The following PDE4D variants were observed in gnomAD, a reference collection of about 807,000 sequenced individuals.
The protein encoded by PDE4D is phosphodiesterase 4D.
In PDE4D, 24 loss-of-function variants were observed where a neutral mutation model predicts 87.4. The observed-to-expected ratio is 0.27, with a 90% CI of 0.20 to 0.39. The LOEUF (loss-of-function observed/expected upper bound fraction) is 0.39. Among genes scored for constraint, PDE4D ranks in the 10% least tolerant of loss-of-function variants. PDE4D has a pLI of 1.00. For missense variants in PDE4D, 714 were observed against 1,041.0 expected, an observed-to-expected ratio of 0.69 and a Z score of 4.32; for synonymous variants, 384 against 383.2, an observed-to-expected ratio of 1.00 and a Z score of -0.02.
At chr5:59,872,599 T>C (rs999253963) in intron 1 of PDE4D, among the ~76,000 whole-genome samples, 1 of 152,198 alleles carries the variant, frequency 6.6e-6, no homozygotes. Flanking sequence ...TTGAACTTAG[T>C]TCTAGTTCTT....
intron 1 of PDE4D, among the ~76,000 whole-genome samples, chr5:60,190,873 G>T (rs1169044356): frequency 1.3e-5 from 2 of 152,258 alleles, no homozygotes; most frequent in Non-Finnish European, 2.9e-5. Context: ...ACTCCAGAGT[G>T]ATGTGTTTCA....
intron 1 of PDE4D, among the ~76,000 whole-genome samples, chr5:59,412,035 A>G (rs1582466414): frequency 6.6e-6 from 1 of 152,132 alleles, no homozygotes; most frequent in Non-Finnish European, 1.5e-5. Context: ...GGTAAGCCAG[A>G]CTCAATATCT....
intron 1 of PDE4D, among the ~76,000 whole-genome samples, chr5:59,461,890 T>C (rs935054347): frequency 6.6e-6 from 1 of 152,198 alleles, no homozygotes; most frequent in African/African-American, 2.4e-5. Context: ...CCTTACTTAT[T>C]GTCCATTTTA....
In PDE4D at chr5:58,977,253, C is replaced by G; in HGVS notation, c.1645G>C (p.Asp549His). ...GFKLLQEENC[D>H]IFQNLTKKQR... is the part of the protein sequence containing the mutation. Reference sequence around the variant, plus strand: ...TTTTTGGTCAAATTCTGGAAAATGTCACAGTTTTCTTCCTGAAGCAATTTA... The same window carrying G: ...TTTTTGGTCAAATTCTGGAAAATGTGACAGTTTTCTTCCTGAAGCAATTTA... The change falls in exon 12 of 15, where the codon GAC becomes CAC. Residue 549 changes from aspartate (D) to histidine (H), a missense_variant. Physicochemically the swap from Asp to His is moderately conservative, Grantham distance 81. Coordinates refer to ENST00000340635, the MANE Select transcript of PDE4D (RefSeq NM_001104631.2). 1.2e-6 allele frequency: 2 copies of G among 1,612,986 alleles called. No homozygotes were observed. The highest frequency in any genetic ancestry group is 1.7e-6 in the Non-Finnish European group (2 of 1,179,452).
At chr5:59,215,099 C>T (rs150245941) in intron 2 of PDE4D, among the ~76,000 whole-genome samples, 58 of 152,260 alleles carry the variant, frequency 3.8e-4, no homozygotes, top group Non-Finnish European at 7.2e-4. Flanking sequence ...AACATGCACA[C>T]TACCACAAGA....
chr5:59,985,138 G>GTT (rs1389439526), intron 3 of PDE4D, among the ~76,000 whole-genome samples: 1 of 113,272 alleles, frequency 8.8e-6, no homozygotes, highest in Non-Finnish European at 1.8e-5. Context: ...TTTGTTTTTT[G>GTT]TTTTTTGTTT....
chr5:60,483,411 T>C (rs865966242), intron 1 of PDE4D, among the ~76,000 whole-genome samples: 13 of 152,200 alleles, frequency 8.5e-5, no homozygotes, highest in Non-Finnish European at 1.8e-4. Context: ...TAGAAAATAT[T>C]TTGAGGAGAA....
At chr5:59,875,460 C>CAAAAAAAAAAA (rs3062667) in intron 1 of PDE4D, among the ~76,000 whole-genome samples, 14 of 39,694 alleles carry the variant, frequency 3.5e-4, no homozygotes, top group African/African-American at 1.1e-3. Flanking sequence ...ACCTCCGTCT[C>CAAAAAAAAAAA]AAAAAAAAAA....
At position 60,378,881 on chromosome 5, in the gene PDE4D, A is replaced by AAGAG. The variant is rs368224897; in HGVS notation, c.-90+109057_-90+109060dup. On this transcript the variant is annotated intron_variant, in intron 1 of 16. Coordinates refer to the PDE4D transcript ENST00000502484. ...AACTAAAAAGAAAAAGAAAGAAAGA[A>AAGAG]AGAGAGAGAGAGAGAGAAAGAAAGA... Among the ~76,000 whole-genome samples, 1,124 of 151,024 alleles carry AAGAG rather than the reference A, an allele frequency of 7.4e-3. 14 individuals are homozygous for AAGAG. Among genetic ancestry groups the AAGAG allele is most frequent in the African/African-American group, 0.026 (1,059 of 41,126 alleles).
intron 1 of PDE4D, among the ~76,000 whole-genome samples, chr5:59,639,353 A>G (rs779338333): frequency 6.6e-6 from 1 of 152,186 alleles, no homozygotes; most frequent in Non-Finnish European, 1.5e-5. Context: ...TTTTGGAAAG[A>G]TAATTGGTGC....
At chr5:60,307,659 A>T (rs1210534891) in intron 1 of PDE4D, among the ~76,000 whole-genome samples, 2 of 151,956 alleles carry the variant, frequency 1.3e-5, no homozygotes, top group Admixed American at 1.3e-4. Flanking sequence ...TTCTTCCCCA[A>T]CCTTTATTTA....
chr5:59,962,698 ACAAT>A (rs1759609858), intron 3 of PDE4D, among the ~76,000 whole-genome samples: 1 of 152,172 alleles, frequency 6.6e-6, no homozygotes, highest in African/African-American at 2.4e-5. Flanking sequence ...ATTTAAAGAG[ACAAT>A]CAAAGAATAT....
chr5:59,459,087 T>G (rs898155103), intron 1 of PDE4D, among the ~76,000 whole-genome samples: 3 of 152,228 alleles, frequency 2.0e-5, no homozygotes, highest in Non-Finnish European at 2.9e-5. Context: ...ATGGCCCTTT[T>G]AACTGTACTC....
At chr5:60,447,675 G>T (rs1029263921) in intron 1 of PDE4D, among the ~76,000 whole-genome samples, 1 of 152,026 alleles carries the variant, frequency 6.6e-6, no homozygotes, top group Non-Finnish European at 1.5e-5. Context: ...AAATCCCAAA[G>T]ACACATAAAA....
intron 1 of PDE4D, among the ~76,000 whole-genome samples, chr5:59,702,635 AAGGC>A (rs1752749798): frequency 6.6e-6 from 1 of 152,002 alleles, no homozygotes; most frequent in African/African-American, 2.4e-5. Flanking sequence ...TTGGGAGGCC[AAGGC>A]AGGAAGATGG....
At chr5:60,426,239 A>G (rs1324997008) in intron 1 of PDE4D, among the ~76,000 whole-genome samples, 1 of 152,224 alleles carries the variant, frequency 6.6e-6, no homozygotes, top group Non-Finnish European at 1.5e-5. Flanking sequence ...ACGTATGTCT[A>G]TTGCGGCACT....
intron 1 of PDE4D, among the ~76,000 whole-genome samples, chr5:59,802,869 G>C (rs935127806): frequency 1.3e-5 from 2 of 152,090 alleles, no homozygotes; most frequent in Admixed American, 6.5e-5. Context: ...GGCAGTGCAG[G>C]GATATAGACA....
chr5:59,401,542 G>T (rs930508600), intron 1 of PDE4D, among the ~76,000 whole-genome samples: 23 of 151,968 alleles, frequency 1.5e-4, no homozygotes, highest in African/African-American at 5.6e-4. Flanking sequence ...TGAATAAGAT[G>T]GGGGAGGGTG....
intron 2 of PDE4D, among the ~76,000 whole-genome samples, chr5:60,037,338 G>A (rs1020499097): frequency 1.3e-5 from 2 of 151,950 alleles, no homozygotes; most frequent in African/African-American, 4.8e-5. Context: ...AAAAGGATGA[G>A]CATTTTTTTT....
Sources: gnomAD v4.1 joint callset for allele counts (sites outside exome capture counted in the v4.1 genomes callset) on GRCh38, gnomAD v4.1.1 for gene constraint, MANE v1.5 for transcripts, NCBI Gene and HGNC (gene_info 2026-07-23, HGNC 2026-07-21) for gene names.